Variants in MYO18B observed in about 807,000 individuals in gnomAD.
MYO18B encodes the protein myosin XVIIIB, also known as unconventional myosin-XVIIIb.
A neutral mutation model predicts 273.0 loss-of-function variants in MYO18B; 204 were observed. The observed-to-expected ratio is 0.75, with a 90% CI of 0.67 to 0.84. MYO18B has a LOEUF of 0.84. Ranked by LOEUF, MYO18B falls within the 40% of genes least tolerant of loss-of-function variation. The pLI, the probability that MYO18B is intolerant of heterozygous loss-of-function variation, is 0.00. For synonymous variants in MYO18B, 1,330 were observed against 1,305.7 expected (o/e 1.02, Z -0.40); for missense variants, 3,212 against 3,287.6 (o/e 0.98, Z 0.56).
chr22:25,950,518 A>C (rs919992516), intron 37 of MYO18B, 68 bp downstream of exon 37: 4 of 604,444 alleles, frequency 6.6e-6, no homozygotes, highest in Non-Finnish European at 1.1e-5. Flanking sequence ...AACTAATAGG[A>C]TGTGTGTGTG....
At chr22:25,974,724 A>T (rs930146673) in intron 39 of MYO18B, among the ~76,000 whole-genome samples, 12 of 152,246 alleles carry the variant, frequency 7.9e-5, no homozygotes, top group East Asian at 1.9e-4. Context: ...GTTTTGGAAC[A>T]TAAAACTGAA....
At chr22:25,994,686 C>G (rs568480386) in intron 40 of MYO18B, among the ~76,000 whole-genome samples, 6 of 152,188 alleles carry the variant, frequency 3.9e-5, no homozygotes, top group Admixed American at 3.9e-4. Flanking sequence ...ATTTAGGATT[C>G]CACCTCCACT....
intron 25 of MYO18B, 123 bp downstream of exon 25, chr22:25,878,171 C>T (rs2091252726): frequency 2.8e-6 from 2 of 723,516 alleles, no homozygotes; most frequent in African/African-American, 1.8e-5. Context: ...CCCAGAATTA[C>T]CTGTGAGGCA....
chr22:25,759,585 G>T (rs2086237907), intron 1 of MYO18B, among the ~76,000 whole-genome samples: 1 of 152,118 alleles, frequency 6.6e-6, no homozygotes, highest in African/African-American at 2.4e-5. Flanking sequence ...GGGTTGATGG[G>T]TGCAGCAAAC....
intron 12 of MYO18B, among the ~76,000 whole-genome samples, chr22:25,799,123 GTT>G (rs2088064098): frequency 8.4e-6 from 1 of 118,978 alleles, no homozygotes; most frequent in African/African-American, 3.1e-5. Flanking sequence ...CTTATGCGGT[GTT>G]TACGTTTGTG....
In MYO18B at chr22:25,843,879, T is replaced by C; in HGVS notation, c.3353T>C (p.Leu1118Pro). The C allele has an allele frequency of 6.2e-7, 1 of 1,607,822 alleles. No homozygotes were observed. The highest frequency in any genetic ancestry group is 8.5e-7 in the Non-Finnish European group (1 of 1,174,982). Residue 1118 changes from leucine to proline, a missense_variant, in exon 18 of 44, where the codon CTG (leucine) becomes CCG (proline). By Grantham distance (98) the Leu-to-Pro change is moderately conservative (BLOSUM62 -3). Coordinates refer to ENST00000335473, the MANE Select transcript of MYO18B (RefSeq NM_032608.7). ...TCGGCCCTGGATGCACCCCAGGTCCTGCACCAGTCAAAAAGGTGAGTTGGG... is the reference window on the plus strand; with the variant it reads ...TCGGCCCTGGATGCACCCCAGGTCCCGCACCAGTCAAAAAGGTGAGTTGGG... ...NLSALDAPQV[L>P]HQSKREELRS...
chr22:25,928,242 G>T (rs989570737), intron 34 of MYO18B, among the ~76,000 whole-genome samples: 3 of 151,970 alleles, frequency 2.0e-5, no homozygotes, highest in Non-Finnish European at 2.9e-5. Context: ...AAGCTACTGA[G>T]CAGAGGAAGG....
At position 25,777,742 on chromosome 22, in the gene MYO18B, C is replaced by T. The variant is rs1212011829; in HGVS notation, c.2029C>T (p.Leu677=). The T allele has an allele frequency of 6.2e-7, 1 of 1,607,576 alleles. No individual in the cohort carries two copies. The highest frequency in any genetic ancestry group is 8.5e-7 in the Non-Finnish European group (1 of 1,176,834). Residue 677 remains leucine, a synonymous_variant, in exon 8 of 44, where the codon CTG becomes TTG. Coordinates refer to ENST00000335473, the MANE Select transcript of MYO18B (RefSeq NM_032608.7). ...TTCCEQVLEH[L]VGMAGSVDGR... ...CTGCTGTGAGCAGGTCCTGGAACAC[C>T]TGGTGGGGATGGCAGGCAGTGTGGA...
chr22:25,929,758 G>T (rs781542541), intron 34 of MYO18B, among the ~76,000 whole-genome samples: 1 of 151,998 alleles, frequency 6.6e-6, no homozygotes, highest in African/African-American at 2.4e-5. Context: ...TGCATCCCCC[G>T]TCTCTCTCTG....
At chr22:25,762,727 G>A (rs2086366827) in intron 2 of MYO18B, among the ~76,000 whole-genome samples, 1 of 152,282 alleles carries the variant, frequency 6.6e-6, no homozygotes, top group Non-Finnish European at 1.5e-5. Flanking sequence ...CCTTATATAA[G>A]TCATGGCTGT....
intron 34 of MYO18B, among the ~76,000 whole-genome samples, chr22:25,940,395 C>T (rs1225389288): frequency 6.6e-6 from 1 of 152,178 alleles, no homozygotes; most frequent in East Asian, 1.9e-4. Flanking sequence ...TTTGAGGCCT[C>T]CCCAGTCATG....
rs572694456 is a variant in MYO18B, at chr22:25,804,392, C to T, written c.2521+6295C>T. Among the ~76,000 whole-genome samples, 293 of 152,312 alleles carry T rather than the reference C, an allele frequency of 1.9e-3. 1 individual carries two copies. The highest frequency in any genetic ancestry group is 3.4e-3 in the Non-Finnish European group (229 of 68,024). ...CTCTGTGCTGAGTTACTTGCTAGATCACCGGACCTGAGGAAATATTCAAGA... is the reference window on the plus strand; with the variant it reads ...CTCTGTGCTGAGTTACTTGCTAGATTACCGGACCTGAGGAAATATTCAAGA... On this transcript the variant is annotated intron_variant, in intron 12 of 43. Coordinates refer to ENST00000335473, the MANE Select transcript of MYO18B (RefSeq NM_032608.7).
intron 39 of MYO18B, among the ~76,000 whole-genome samples, chr22:25,966,133 A>T (rs1488867737): frequency 6.6e-6 from 1 of 151,946 alleles, no homozygotes; most frequent in Non-Finnish European, 1.5e-5. Flanking sequence ...ACTGTCCCCA[A>T]AAGCACACCT....
At chr22:26,017,230 G>A (rs1265565121) in intron 42 of MYO18B, among the ~76,000 whole-genome samples, 1 of 149,466 alleles carries the variant, frequency 6.7e-6, no homozygotes, top group East Asian at 2.0e-4. Flanking sequence ...AACAAAAGAG[G>A]ACACTATCAA....
chr22:26,046,832 G>A, the MYO18B span, among the ~76,000 whole-genome samples: 2 of 152,178 alleles, frequency 1.3e-5, no homozygotes, highest in Non-Finnish European at 2.9e-5. Flanking sequence ...ACACCTAGGA[G>A]CTTAAAATAA....
At chr22:25,931,319 G>GC (rs1444033365) in intron 34 of MYO18B, among the ~76,000 whole-genome samples, 1 of 152,172 alleles carries the variant, frequency 6.6e-6, no homozygotes, top group East Asian at 1.9e-4. Flanking sequence ...TTCATTATAG[G>GC]CAAGAAGGCG....
chr22:26,018,282 T>C (rs369779995), intron 42 of MYO18B, among the ~76,000 whole-genome samples: 9 of 152,236 alleles, frequency 5.9e-5, no homozygotes, highest in African/African-American at 2.2e-4. Flanking sequence ...ATGTAGGATA[T>C]TCACTGTGTC....
chr22:25,801,111 A>G (rs1195245470), intron 12 of MYO18B, among the ~76,000 whole-genome samples: 1 of 152,228 alleles, frequency 6.6e-6, no homozygotes, highest in Non-Finnish European at 1.5e-5. Flanking sequence ...TCATTTTGAA[A>G]TATATTAAGA....
intron 16 of MYO18B, among the ~76,000 whole-genome samples, chr22:25,834,727 G>C (rs2089836097): frequency 6.6e-6 from 1 of 152,162 alleles, no homozygotes; most frequent in Non-Finnish European, 1.5e-5. Flanking sequence ...TGAGTAGATG[G>C]TCTCTGAAGC....
Sources: allele counts gnomAD v4.1 joint callset (sites outside exome capture counted in the v4.1 genomes callset), GRCh38; gene constraint gnomAD v4.1.1; transcripts MANE v1.5; gene names NCBI Gene and HGNC (gene_info 2026-07-23, HGNC 2026-07-21).